The following PCDHGA10 variants were observed in gnomAD, a reference collection of about 807,000 sequenced individuals.
PCDHGA10 encodes protocadherin gamma subfamily A, 10, also known as protocadherin gamma-A10.
Under a neutral mutation model 59.5 loss-of-function variants are expected in PCDHGA10, and 42 were observed. That is an observed-to-expected ratio of 0.71 (90% CI 0.55 to 0.91). PCDHGA10 has a LOEUF of 0.91. Ranked by LOEUF, PCDHGA10 falls within the 40% of genes least tolerant of loss-of-function variation. The pLI is 0.00. For missense variants in PCDHGA10, 1,111 were observed against 1,198.2 expected, an observed-to-expected ratio of 0.93 and a Z score of 1.07; for synonymous variants, 511 against 517.2, an observed-to-expected ratio of 0.99 and a Z score of 0.16.
At chr5:141,417,941 A>T (rs1319967892) in intron 1 of PCDHGA10, 1 of 1,612,890 alleles carries the variant, frequency 6.2e-7, no homozygotes, top group South Asian at 1.1e-5. Context: ...GTTCTACCCC[A>T]CGCTGTGTGA....
At chr5:141,426,844 A>C (rs1397752566) in intron 1 of PCDHGA10, 1 of 456,628 alleles carries the variant, frequency 2.2e-6, no homozygotes, top group Non-Finnish European at 4.4e-6. Context: ...ACTAAAGGCA[A>C]GAACGCTCCA....
chr5:141,485,561 G>A lies in PCDHGA10; in HGVS notation c.2437-9246G>A. 1.9e-6 allele frequency: 3 copies of A among 1,613,008 alleles called. No homozygotes were observed. The highest frequency in any genetic ancestry group is 1.1e-5 in the South Asian group (1 of 91,026). ...AGAGATCGTAGATGTGAATGATCACGCCCCCCGTTTTCCGCGGCAGCAGCT... is the reference window on the plus strand; with the variant it reads ...AGAGATCGTAGATGTGAATGATCACACCCCCCGTTTTCCGCGGCAGCAGCT... On this transcript the variant is annotated intron_variant, in intron 1 of 3. Transcript: ENST00000398610. The surrounding 1 kb of genome is among the most constrained non-coding windows in gnomAD (Gnocchi z 5.7).
rs901230493 is a variant in PCDHGA10, at chr5:141,487,514, C to T, written c.2437-7293C>T. 7 of 1,614,150 alleles carry T rather than the reference C, an allele frequency of 4.3e-6. No homozygotes were observed. The highest frequency in any genetic ancestry group is 1.1e-5 in the South Asian group (1 of 91,070). On this transcript the variant is annotated intron_variant, in intron 1 of 3. Transcript: ENST00000398610. The surrounding 1 kb of genome is among the most constrained non-coding windows in gnomAD (Gnocchi z 5.0). Reference sequence around the variant, plus strand: ...TACACCCTTGGCTTCTGCACCCACTCGGAGTGATAGCTTCATGATGGTGAA... The same window carrying T: ...TACACCCTTGGCTTCTGCACCCACTTGGAGTGATAGCTTCATGATGGTGAA...
intron 1 of PCDHGA10, among the ~76,000 whole-genome samples, chr5:141,483,459 G>A (rs1214951485): frequency 6.6e-6 from 1 of 152,186 alleles, no homozygotes; most frequent in Non-Finnish European, 1.5e-5. Flanking sequence ...AGGACTTGTT[G>A]ATTGACATGA....
chr5:141,485,279 C>T lies in PCDHGA10; in HGVS notation c.2437-9528C>T. 1 of 1,614,108 alleles carries T rather than the reference C, an allele frequency of 6.2e-7. No individual in the cohort carries two copies. Among genetic ancestry groups the T allele is most frequent in the Non-Finnish European group, 8.5e-7 (1 of 1,179,966 alleles). ...TTGTGGGCAGATCCGCTACCCGGTC[C>T]CAGAGGAGTCACAGGAAGGGACTTT... On this transcript the variant is annotated intron_variant, in intron 1 of 3. Transcript: ENST00000398610. The surrounding 1 kb of genome is among the most constrained non-coding windows in gnomAD (Gnocchi z 5.7).
intron 3 of PCDHGA10, among the ~76,000 whole-genome samples, chr5:141,506,444 C>T (rs542906499): frequency 2.1e-5 from 2 of 95,022 alleles, no homozygotes; most frequent in South Asian, 3.6e-4. Flanking sequence ...CGCTCTGTCT[C>T]AAAAAAAAAA....
At chr5:141,508,371 C>T (rs1250979168) in intron 3 of PCDHGA10, 1 of 152,226 alleles carries the variant, frequency 6.6e-6, no homozygotes, top group East Asian at 1.9e-4. Flanking sequence ...CAACTTCTTC[C>T]CCTCAGATTT....
intron 2 of PCDHGA10, among the ~76,000 whole-genome samples, chr5:141,496,827 C>A (rs1595415247): frequency 6.6e-6 from 1 of 151,780 alleles, no homozygotes; most frequent in East Asian, 1.9e-4. Context: ...TAGATGTGAT[C>A]CCAGAACTCA....
At chr5:141,439,796 G>C (rs980000701) in intron 1 of PCDHGA10, 4 of 152,318 alleles carry the variant, frequency 2.6e-5, no homozygotes, top group African/African-American at 9.6e-5. Flanking sequence ...AATCCAAGAA[G>C]AGTTTGAAAA....
intron 2 of PCDHGA10, 76 bp from the exon 3 acceptor site, chr5:141,505,317 G>T: frequency 6.2e-7 from 1 of 1,603,092 alleles, no homozygotes. Flanking sequence ...AGGTTTGGGA[G>T]CCCTGGGAGA....
At chr5:141,437,654 A>C (rs185455660) in intron 1 of PCDHGA10, among the ~76,000 whole-genome samples, 1 of 152,256 alleles carries the variant, frequency 6.6e-6, no homozygotes, top group African/African-American at 2.4e-5. Context: ...GCAAACACAT[A>C]GTTTCGAAGA....
At chr5:141,463,629 GTT>G (rs923584581) in intron 1 of PCDHGA10, among the ~76,000 whole-genome samples, 5 of 151,314 alleles carry the variant, frequency 3.3e-5, no homozygotes, top group Middle Eastern at 3.4e-3. Flanking sequence ...TTTGTATTTT[GTT>G]TAGTAGAGAC....
intron 1 of PCDHGA10, chr5:141,427,090 A>G: frequency 2.2e-6 from 1 of 458,214 alleles, no homozygotes; most frequent in East Asian, 6.9e-5. Context: ...GACCAGGATG[A>G]GGGTGTCAAT....
Position 141,431,599 on chromosome 5 carries a change from C to T in PCDHGA10, c.2436+15988C>T. On this transcript the variant is annotated intron_variant, in intron 1 of 3. Transcript: ENST00000398610. The surrounding 1 kb of genome is among the most constrained non-coding windows in gnomAD (Gnocchi z 4.8). ...GAGTCAATGCGGAAGTGAGGTATTC[C>T]TTCCGGTATGTGGACGACAAGGCGG... 1 of 1,614,194 alleles carries T rather than the reference C, an allele frequency of 6.2e-7. No individual in the cohort carries two copies. The highest frequency in any genetic ancestry group is 8.5e-7 in the Non-Finnish European group (1 of 1,180,034).
chr5:141,422,106 C>G (rs763336868), intron 1 of PCDHGA10: 1 of 1,607,266 alleles, frequency 6.2e-7, no homozygotes, highest in Admixed American at 1.7e-5. Flanking sequence ...CTGAAATATT[C>G]CAATTGGATT....
chr5:141,478,635 A>T, intron 1 of PCDHGA10: 1 of 1,552,830 alleles, frequency 6.4e-7, no homozygotes, highest in Non-Finnish European at 8.7e-7. Context: ...TTTTTTAGTG[A>T]TGAAGATGTT....
At chr5:141,454,697 T>A (rs768850161) in intron 1 of PCDHGA10, among the ~76,000 whole-genome samples, 14 of 150,312 alleles carry the variant, frequency 9.3e-5, no homozygotes, top group African/African-American at 3.4e-4. Flanking sequence ...TGAGCCACCA[T>A]GCTCCACCTG....
rs749645155 is a variant in PCDHGA10 at position 141,414,214 on chromosome 5, A to G, written c.1039A>G (p.Asn347Asp). Residue 347 changes from asparagine to aspartate, a missense_variant, in exon 1 of 4, where the codon AAC becomes GAC. Transcript: ENST00000398610. Reference protein sequence around the residue: ...VLITVEDVNDNSPELTITSLF... With the variant: ...VLITVEDVNDDSPELTITSLF... ...GATTACAGTAGAAGATGTAAATGAC[A>G]ACAGTCCAGAGCTGACCATCACGTC... 6.2e-6 allele frequency: 10 copies of G among 1,613,126 alleles called. No homozygotes were observed. The South Asian group carries it at 9.9e-5, about 16-fold the overall frequency.
chr5:141,420,789 C>G (rs1403213574), intron 1 of PCDHGA10, among the ~76,000 whole-genome samples: 2 of 152,198 alleles, frequency 1.3e-5, no homozygotes, highest in Non-Finnish European at 2.9e-5. Flanking sequence ...ATTTTGAAAA[C>G]TTTTTAAAAA....
Sources: gnomAD v4.1 joint callset for allele counts (sites outside exome capture counted in the v4.1 genomes callset) on GRCh38, gnomAD v4.1.1 for gene constraint, Gnocchi (gnomAD v3.1) non-coding constraint, MANE v1.5 for transcripts, NCBI Gene and HGNC (gene_info 2026-07-23, HGNC 2026-07-21) for gene names.